The following DOCK1 variants were observed in gnomAD, a reference collection of about 807,000 sequenced individuals.
The protein encoded by DOCK1 is dedicator of cytokinesis 1.
In DOCK1, 138 loss-of-function variants were observed where a neutral mutation model predicts 262.7. The ratio of observed to expected loss-of-function variants is 0.53; its 90% CI spans 0.46 to 0.61. DOCK1 has a LOEUF of 0.61. DOCK1 is among the 20% of genes least tolerant of loss of function. The probability of loss-of-function intolerance (pLI) is 0.00; values close to 1 mark genes in which losing one functional copy is unlikely to be tolerated. For missense variants in DOCK1, 1,908 were observed against 2,370.7 expected, an observed-to-expected ratio of 0.80 and a Z score of 4.05; for synonymous variants, 866 against 867.4, an observed-to-expected ratio of 1.00 and a Z score of 0.03.
rs1565098452 is a variant in DOCK1, at chr10:127,446,206, C to T, written c.5414-1188C>T. 6.6e-6 allele frequency among the ~76,000 whole-genome samples: 1 copy of T among 151,606 alleles called. No homozygotes were observed. Among genetic ancestry groups the T allele is most frequent in the Non-Finnish European group, 1.5e-5 (1 of 67,952 alleles). On this transcript the variant is annotated intron_variant, in intron 50 of 51. Transcript: ENST00000623213. This position sits in a 1 kb window ranked among gnomAD's most constrained non-coding sequence, Gnocchi z 4.4. ...CGGAGGTTGCAGTGAGCTGAGATCG[C>T]ACCACTGCACTCCAGCCTGGGCGAC...
intron 1 of DOCK1, among the ~76,000 whole-genome samples, chr10:126,934,371 C>T (rs1056577825): frequency 3.3e-5 from 5 of 152,246 alleles, no homozygotes; most frequent in Admixed American, 6.5e-5. Flanking sequence ...GTGTGACCCA[C>T]GTGCTGTGGG....
intron 1 of DOCK1, among the ~76,000 whole-genome samples, chr10:126,962,837 T>C: frequency 6.6e-6 from 1 of 152,248 alleles, no homozygotes; most frequent in East Asian, 1.9e-4. Flanking sequence ...CTCTGTGTTT[T>C]CTTCTAAGAA....
At chr10:126,950,834 G>T (rs1273853018) in intron 1 of DOCK1, among the ~76,000 whole-genome samples, 1 of 152,156 alleles carries the variant, frequency 6.6e-6, no homozygotes, top group Non-Finnish European at 1.5e-5. Context: ...TCCCAGGGCA[G>T]AATGAAGTTT....
intron 27 of DOCK1, among the ~76,000 whole-genome samples, chr10:127,236,263 TG>T (rs2059046628): frequency 6.6e-6 from 1 of 152,244 alleles, no homozygotes; most frequent in Non-Finnish European, 1.5e-5. Flanking sequence ...TTTAAATCTA[TG>T]ATACATTTTG....
At position 127,166,365 on chromosome 10, in the gene DOCK1, C is replaced by CA. The variant is rs1448608600; in HGVS notation, c.2847+38608dup. On this transcript the variant is annotated intron_variant, in intron 27 of 51. Coordinates refer to ENST00000623213, the MANE Select transcript of DOCK1 (RefSeq NM_001290223.2). The stretch of plus-strand genomic sequence containing the variant: ...CAGGCGTGAGCCACCGCGCCCGGCC[C>CA]AAAAAAATGCCTGCATTTTCATTAG... Among the ~76,000 whole-genome samples the CA allele has an allele frequency of 2.6e-5, 4 of 151,744 alleles. No individual in the cohort carries two copies. The East Asian group carries it at 5.9e-4, about 22-fold the overall frequency.
chr10:127,149,463 C>T (rs1027557358), intron 27 of DOCK1, among the ~76,000 whole-genome samples: 5 of 152,090 alleles, frequency 3.3e-5, no homozygotes, highest in Admixed American at 6.5e-5. Flanking sequence ...AAATATGTAC[C>T]GCCTCCCATG....
At position 127,378,194 on chromosome 10, in the gene DOCK1, A is replaced by ATAATTTAAT. The variant is rs1432155165; in HGVS notation, c.3676-1886_3676-1885insATTTAATTA. The stretch of plus-strand genomic sequence containing the variant: ...TTGCACATGCCAGTTACTTCTCTTC[A>ATAATTTAAT]TAGCCCCTTGGCAAGGCTAATTAAA... On this transcript the variant is annotated intron_variant, in intron 35 of 51. Coordinates refer to ENST00000623213, the MANE Select transcript of DOCK1 (RefSeq NM_001290223.2). 5.9e-5 allele frequency among the ~76,000 whole-genome samples: 9 copies of ATAATTTAAT among 151,956 alleles called. No individual in the cohort carries two copies. The South Asian group carries it at 1.7e-3, about 28-fold the overall frequency.
intron 43 of DOCK1, among the ~76,000 whole-genome samples, 192 bp from the exon 44 acceptor site, chr10:127,414,960 C>T (rs1054098404): frequency 6.6e-6 from 1 of 152,142 alleles, no homozygotes; most frequent in Non-Finnish European, 1.5e-5. Context: ...GTATCCTGAG[C>T]GACCGTTAGG....
intron 3 of DOCK1, among the ~76,000 whole-genome samples, chr10:126,981,274 T>C (rs1241422420): frequency 1.3e-5 from 2 of 152,190 alleles, no homozygotes; most frequent in East Asian, 1.9e-4. Context: ...TTCTGGCACT[T>C]CACAGAATGT....
chr10:127,075,161 C>A, intron 23 of DOCK1, among the ~76,000 whole-genome samples: 1 of 90,316 alleles, frequency 1.1e-5, no homozygotes, highest in South Asian at 4.5e-4. Flanking sequence ...AAGAGCGAAA[C>A]TCTGTCTCAA....
intron 23 of DOCK1, among the ~76,000 whole-genome samples, chr10:127,085,946 C>T (rs1233741202): frequency 6.6e-6 from 1 of 152,144 alleles, no homozygotes; most frequent in Non-Finnish European, 1.5e-5. Flanking sequence ...GGAGGCATGA[C>T]TTCTTTCTGG....
At chr10:127,125,342 C>T (rs1455362009) in intron 25 of DOCK1, 132 bp from the exon 26 acceptor site, 2 of 1,239,938 alleles carry the variant, frequency 1.6e-6, no homozygotes, top group South Asian at 1.4e-5. Flanking sequence ...TAATTGACCC[C>T]CCTCCAGATG....
intron 23 of DOCK1, among the ~76,000 whole-genome samples, chr10:127,075,457 A>G (rs1238906770): frequency 1.3e-5 from 2 of 152,032 alleles, no homozygotes; most frequent in Admixed American, 1.3e-4. Context: ...ATTTTTGTAG[A>G]GATATGGTTT....
chr10:127,408,964 G>T, intron 40 of DOCK1, 73 bp from the exon 41 acceptor site: 1 of 1,488,834 alleles, frequency 6.7e-7, no homozygotes, highest in South Asian at 1.3e-5. Context: ...ATATTTTAAG[G>T]CCAGCATATT....
chr10:127,102,303 G>C (rs1438322009), intron 23 of DOCK1, among the ~76,000 whole-genome samples: 1 of 152,116 alleles, frequency 6.6e-6, no homozygotes, highest in Non-Finnish European at 1.5e-5. Context: ...ATAGTAATAG[G>C]CCTCCTTCAT....
In DOCK1 at chr10:127,378,506, T is replaced by A. The variant is rs117050945; in HGVS notation, c.3676-1576T>A. On this transcript the variant is annotated intron_variant, in intron 35 of 51. Transcript: ENST00000623213. ...GAAACACAAAGGTTTTATATAGAAA[T>A]TGGGATTGGAGATGAGTGTACTTCG... is the stretch of plus-strand genomic sequence containing the variant. Among the ~76,000 whole-genome samples, 380 of 152,022 alleles carry A rather than the reference T, an allele frequency of 2.5e-3. 7 individuals carry two copies. The highest frequency in any genetic ancestry group is 4.1e-3 in the East Asian group (21 of 5,150).
chr10:127,382,830 G>A (rs1398904882), intron 37 of DOCK1, among the ~76,000 whole-genome samples: 4 of 152,188 alleles, frequency 2.6e-5, no homozygotes, highest in African/African-American at 9.7e-5. Context: ...GGCATCATTT[G>A]TTTAATCATT....
intron 23 of DOCK1, among the ~76,000 whole-genome samples, chr10:127,065,301 G>A (rs1277353602): frequency 6.6e-6 from 1 of 152,206 alleles, no homozygotes; most frequent in Non-Finnish European, 1.5e-5. Flanking sequence ...ATGAGCCACT[G>A]TGCCCGGCCG....
intron 42 of DOCK1, among the ~76,000 whole-genome samples, chr10:127,410,152 A>T (rs2067758022): frequency 6.6e-6 from 1 of 152,030 alleles, no homozygotes; most frequent in South Asian, 2.1e-4. Flanking sequence ...CGTTTCTTTG[A>T]CCTTGCATCA....
Sources: gnomAD v4.1 joint callset for allele counts (sites outside exome capture counted in the v4.1 genomes callset) on GRCh38, gnomAD v4.1.1 for gene constraint, Gnocchi (gnomAD v3.1) non-coding constraint, MANE v1.5 for transcripts, NCBI Gene and HGNC (gene_info 2026-07-23, HGNC 2026-07-21) for gene names.